Variants in SYT14 observed in about 807,000 individuals in gnomAD.
The protein encoded by SYT14 is synaptotagmin 14.
SYT14 carries 32 observed loss-of-function variants against 74.2 expected under a neutral mutation model. The observed-to-expected ratio is 0.43, with a 90% CI of 0.33 to 0.58. SYT14 has a LOEUF of 0.58. Among genes scored for constraint, SYT14 ranks in the 20% least tolerant of loss-of-function variants. The pLI, the probability that SYT14 is intolerant of heterozygous loss-of-function variation, is 0.05. For synonymous variants in SYT14, 298 were observed against 337.7 expected, an observed-to-expected ratio of 0.88 and a Z score of 1.29; for missense variants, 791 against 981.8, an observed-to-expected ratio of 0.81 and a Z score of 2.60.
exon 10 of SYT14, chr1:210,164,756 A>AGTT (rs943170198): frequency 2.6e-5 from 4 of 152,072 alleles, no homozygotes; most frequent in Non-Finnish European, 5.9e-5. Flanking sequence ...TCACAAAGAC[A>AGTT]GTTATTATAT....
intron 5 of SYT14, among the ~76,000 whole-genome samples, chr1:210,086,084 T>C (rs908960104): frequency 2.6e-5 from 4 of 152,184 alleles, no homozygotes; most frequent in Admixed American, 2.6e-4. Context: ...TAATTTCCTG[T>C]TTCTTCATGG....
At chr1:210,152,974 A>G (rs572060049) in intron 7 of SYT14, among the ~76,000 whole-genome samples, 1 of 152,052 alleles carries the variant, frequency 6.6e-6, no homozygotes. Flanking sequence ...TAAATGTTAT[A>G]ATTGGTTTTC....
intron 5 of SYT14, among the ~76,000 whole-genome samples, chr1:210,074,890 G>A (rs1309948117): frequency 6.6e-6 from 1 of 152,222 alleles, no homozygotes; most frequent in Admixed American, 6.5e-5. Flanking sequence ...GCCATCCATA[G>A]GCGGCTTGTG....
chr1:210,161,754 T>C (rs2083377050), exon 10 of SYT14: 1 of 453,812 alleles, frequency 2.2e-6, no homozygotes, highest in African/African-American at 2.0e-5. Flanking sequence ...ACTGTACTGG[T>C]CCCTTGCAAG....
At chr1:210,043,402 A>G (rs768253342) in intron 5 of SYT14, among the ~76,000 whole-genome samples, 6 of 150,654 alleles carry the variant, frequency 4.0e-5, no homozygotes, top group Admixed American at 2.7e-4. Flanking sequence ...TAGTTCTAAC[A>G]TTCTAAAAAG....
chr1:209,963,442 C>G (rs575121143), intron 2 of SYT14, among the ~76,000 whole-genome samples: 1 of 152,144 alleles, frequency 6.6e-6, no homozygotes, highest in African/African-American at 2.4e-5. Flanking sequence ...CAACCTATTT[C>G]ATTCTAAGAC....
chr1:209,983,143 C>T (rs2079516982), intron 2 of SYT14, among the ~76,000 whole-genome samples: 3 of 151,912 alleles, frequency 2.0e-5, no homozygotes, highest in African/African-American at 7.3e-5. Flanking sequence ...TAATCTGTAG[C>T]TTGTCTTCTC....
chr1:210,062,230 A>G (rs1321576478), intron 5 of SYT14, among the ~76,000 whole-genome samples: 1 of 151,858 alleles, frequency 6.6e-6, no homozygotes. Flanking sequence ...ACAGTATATG[A>G]GTGGCAGGTT....
intron 5 of SYT14, among the ~76,000 whole-genome samples, chr1:210,063,364 T>A (rs1458156351): frequency 6.6e-6 from 1 of 151,872 alleles, no homozygotes; most frequent in East Asian, 1.9e-4. Flanking sequence ...TTATCCTATA[T>A]TAAATTCCTT....
At chr1:210,165,544 TA>T (rs1253606285) in exon 10 of SYT14, 2 of 152,200 alleles carry the variant, frequency 1.3e-5, no homozygotes, top group Non-Finnish European at 2.9e-5. Context: ...ACCCCCTTAC[TA>T]CTCTATGAAG....
At chr1:210,050,768 A>G (rs1398896609) in intron 5 of SYT14, among the ~76,000 whole-genome samples, 3 of 152,080 alleles carry the variant, frequency 2.0e-5, no homozygotes, top group African/African-American at 4.8e-5. Context: ...ATCTTGTGAG[A>G]CTCACTCACT....
intron 5 of SYT14, among the ~76,000 whole-genome samples, chr1:210,046,961 T>A (rs142689475): frequency 6.6e-6 from 1 of 152,300 alleles, no homozygotes; most frequent in East Asian, 1.9e-4. Flanking sequence ...TGTAAAATTA[T>A]ATTAACATCA....
intron 2 of SYT14, among the ~76,000 whole-genome samples, chr1:209,980,087 T>G (rs1302058278): frequency 6.6e-6 from 1 of 152,184 alleles, no homozygotes; most frequent in Non-Finnish European, 1.5e-5. Context: ...AGTGTAAAAG[T>G]GCTCCTTTTT....
intron 2 of SYT14, among the ~76,000 whole-genome samples, chr1:209,996,542 G>A (rs2079801481): frequency 6.6e-6 from 1 of 151,992 alleles, no homozygotes; most frequent in Admixed American, 6.6e-5. Context: ...AGAAAAACTG[G>A]TGCCAATCCT....
chr1:210,148,237 G>C (rs1003898236), intron 7 of SYT14, among the ~76,000 whole-genome samples: 1 of 152,030 alleles, frequency 6.6e-6, no homozygotes, highest in African/African-American at 2.4e-5. Context: ...GGCCAGGCGC[G>C]GTGGCTCATG....
chr1:210,110,163 T>G (rs548083445), intron 7 of SYT14, among the ~76,000 whole-genome samples: 16 of 152,122 alleles, frequency 1.1e-4, no homozygotes, highest in Non-Finnish European at 1.8e-4. Flanking sequence ...AAATACCTAA[T>G]GTAGATGATG....
chr1:209,943,256 T>C (rs868817803), intron 1 of SYT14, among the ~76,000 whole-genome samples: 12 of 152,130 alleles, frequency 7.9e-5, no homozygotes, highest in South Asian at 2.1e-4. Flanking sequence ...TGCAGCAGTG[T>C]ACTTTGGTAG....
At chr1:209,987,946 C>T (rs7547709) in intron 2 of SYT14, among the ~76,000 whole-genome samples, 52,065 of 151,894 alleles carry the variant, frequency 0.34, 9,897 homozygotes, top group Non-Finnish European at 0.42. Flanking sequence ...TAGTTTTCTT[C>T]GTTTTTTTCT....
intron 2 of SYT14, among the ~76,000 whole-genome samples, chr1:210,010,257 T>C (rs1034987555): frequency 6.6e-6 from 1 of 152,180 alleles, no homozygotes; most frequent in African/African-American, 2.4e-5. Context: ...CAGTTACAGC[T>C]CCTCTGGTAT....
Sources: allele counts gnomAD v4.1 joint callset (sites outside exome capture counted in the v4.1 genomes callset), GRCh38; gene constraint gnomAD v4.1.1; transcripts MANE v1.5; gene names NCBI Gene and HGNC (gene_info 2026-07-23, HGNC 2026-07-21).